MYOM2: variants seen among roughly 807,000 people sequenced by gnomAD.
MYOM2 encodes myomesin 2.
In MYOM2, 254 loss-of-function variants were observed where a neutral mutation model predicts 187.6. That is an observed-to-expected ratio of 1.35 (90% CI 1.22 to 1.50). The LOEUF (loss-of-function observed/expected upper bound fraction) is 1.50, where lower values mean the gene tolerates loss of function less well. Among genes scored for constraint, MYOM2 ranks in the 40% most tolerant of loss-of-function variants. The probability of loss-of-function intolerance (pLI) is 0.00; values close to 1 mark genes in which losing one functional copy is unlikely to be tolerated. For synonymous variants in MYOM2, 981 were observed against 753.8 expected, an observed-to-expected ratio of 1.30 and a Z score of -4.94; for missense variants, 2,796 against 1,924.0, an observed-to-expected ratio of 1.45 and a Z score of -8.48.
At chr8:2,109,845 A>T (rs1469529117) in intron 25 of MYOM2, among the ~76,000 whole-genome samples, 1 of 152,162 alleles carries the variant, frequency 6.6e-6, no homozygotes, top group Admixed American at 6.5e-5. Flanking sequence ...CAGTTCACTT[A>T]TTCTTGATAA....
rs369613732 is a variant in MYOM2 at position 2,102,752 on chromosome 8, C to A, written c.2705C>A (p.Ser902Ter). The A allele has an allele frequency of 1.9e-5, 30 of 1,613,784 alleles. No individual in the cohort carries two copies. The highest frequency in any genetic ancestry group is 5.5e-5 in the South Asian group (5 of 91,080). ...GGCGTGGGGAAGCCCTCAGACACGTCGGAGCCTGTGCTGGTAGAGGCGAGA... is the reference window on the plus strand; with the variant it reads ...GGCGTGGGGAAGCCCTCAGACACGTAGGAGCCTGTGCTGGTAGAGGCGAGA... Reference protein sequence around the residue: ...ANGVGKPSDTSEPVLVEARPG... With the variant: ...ANGVGKPSDT Residue 902 changes from serine (S) to a stop codon, truncating the protein, a stop_gained, in exon 21 of 37, where the codon TCG becomes TAG. Transcript: ENST00000262113. LOFTEE classifies it high-confidence loss of function.
At chr8:2,097,770 G>C (rs192251765) in intron 18 of MYOM2, among the ~76,000 whole-genome samples, 28 of 152,338 alleles carry the variant, frequency 1.8e-4, no homozygotes, top group Non-Finnish European at 3.8e-4. Flanking sequence ...GCCCGCCTCA[G>C]CCTCCCAAAG....
Position 2,109,488 on chromosome 8 carries a change from G to A in MYOM2, c.3137G>A (p.Ser1046Asn), listed in dbSNP as rs755065137. Residue 1046 changes from serine to asparagine, a missense_variant, in exon 25 of 37, where the codon AGC (serine) becomes AAC (asparagine). By Grantham distance (46) the Ser-to-Asn change is conservative (BLOSUM62 1). Coordinates refer to ENST00000262113, the MANE Select transcript of MYOM2 (RefSeq NM_003970.4). ...LQAEHLSPDA[S>N]YRFIINDREV... ...GCTGAGCACTTATCACCAGATGCCA[G>A]CTACCGATTTATTATTAACGACAGA... is the stretch of plus-strand genomic sequence containing the variant. 1 of 1,613,390 alleles carries A rather than the reference G, an allele frequency of 6.2e-7. No individual in the cohort carries two copies. The highest frequency in any genetic ancestry group is 8.5e-7 in the Non-Finnish European group (1 of 1,179,660).
At chr8:2,062,457 G>A (rs1181052845) in intron 6 of MYOM2, among the ~76,000 whole-genome samples, 3 of 152,136 alleles carry the variant, frequency 2.0e-5, no homozygotes, top group Non-Finnish European at 4.4e-5. Context: ...GAGCCAGCAG[G>A]ATTTGCTGCT....
At chr8:2,129,041 C>T (rs905405470) in intron 31 of MYOM2, 86 bp from the exon 32 acceptor site, 13 of 913,708 alleles carry the variant, frequency 1.4e-5, no homozygotes, top group East Asian at 2.5e-5. Context: ...CAGGTGGGGA[C>T]AGGAGGGCTT....
At chr8:2,062,226 T>G (rs554115130) in intron 6 of MYOM2, among the ~76,000 whole-genome samples, 108 of 152,174 alleles carry the variant, frequency 7.1e-4, no homozygotes, top group South Asian at 1.2e-3. Context: ...TGTAAGGACA[T>G]TGGCTTTGCT....
chr8:2,094,317 A>G (rs1014980554), intron 17 of MYOM2, among the ~76,000 whole-genome samples: 1 of 130,776 alleles, frequency 7.6e-6, no homozygotes, highest in Non-Finnish European at 1.6e-5. Context: ...GCAAATTAAA[A>G]ATAGAAAACA....
At chr8:2,123,900 C>G (rs140462205) in intron 30 of MYOM2, among the ~76,000 whole-genome samples, 33 of 152,308 alleles carry the variant, frequency 2.2e-4, no homozygotes, top group Middle Eastern at 3.4e-3. Flanking sequence ...CAACGCATTA[C>G]TAATGCAGTT....
intron 23 of MYOM2, among the ~76,000 whole-genome samples, chr8:2,107,771 C>A (rs1354078977): frequency 6.6e-6 from 1 of 152,162 alleles, no homozygotes; most frequent in East Asian, 1.9e-4. Flanking sequence ...GTTGGCCCTG[C>A]CTCCAGGGTC....
chr8:2,129,233 G>C lies in MYOM2; in HGVS notation c.3800+1G>C. The C allele has an allele frequency of 6.2e-7, 1 of 1,602,220 alleles. No homozygotes were observed. Among genetic ancestry groups the C allele is most frequent in the East Asian group, 2.2e-5 (1 of 44,706 alleles). On this transcript the variant is annotated splice_donor_variant, in intron 32 of 36. Coordinates refer to ENST00000262113, the MANE Select transcript of MYOM2 (RefSeq NM_003970.4). LOFTEE classifies it high-confidence loss of function. Reference sequence around the variant, plus strand: ...AAATGAAAGTGAACTGGTGTCACAAGTAAGTATGACAGCAGCCGATGGAGG... The same window carrying C: ...AAATGAAAGTGAACTGGTGTCACAACTAAGTATGACAGCAGCCGATGGAGG...
At chr8:2,064,491 T>C (rs1031467418) in intron 6 of MYOM2, among the ~76,000 whole-genome samples, 3 of 152,058 alleles carry the variant, frequency 2.0e-5, no homozygotes, top group African/African-American at 7.2e-5. Flanking sequence ...CGGGTTTCTT[T>C]ACAGAAGGAA....
intron 28 of MYOM2, among the ~76,000 whole-genome samples, chr8:2,119,900 CCAGGGCAGAGCAAGCGGCAGATCCAT>C (rs1345813344): frequency 6.6e-6 from 1 of 152,086 alleles, no homozygotes; most frequent in Non-Finnish European, 1.5e-5. Context: ...ATGCCAAAAA[CCAGGGCAGAGCAAGCGGCAGATCCAT>C]CAGTGCAGCC....
intron 32 of MYOM2, among the ~76,000 whole-genome samples, chr8:2,137,203 C>G (rs1292590479): frequency 6.6e-6 from 1 of 151,698 alleles, no homozygotes; most frequent in Non-Finnish European, 1.5e-5. Flanking sequence ...ATCAAGAAAA[C>G]ATTGTCTTCT....
intron 6 of MYOM2, among the ~76,000 whole-genome samples, chr8:2,063,198 G>A (rs117516281): frequency 0.011 from 1,644 of 152,316 alleles, 15 homozygotes; most frequent in Middle Eastern, 0.02. Context: ...ATTACAGCTT[G>A]TCTCAGCTGT....
At chr8:2,103,214 T>A (rs922566994) in intron 21 of MYOM2, among the ~76,000 whole-genome samples, 17 of 151,958 alleles carry the variant, frequency 1.1e-4, no homozygotes, top group African/African-American at 3.1e-4. Flanking sequence ...TGGGAGAGTG[T>A]GCATGTTTTA....
At chr8:2,135,627 T>C (rs1444536437) in intron 32 of MYOM2, among the ~76,000 whole-genome samples, 2 of 152,230 alleles carry the variant, frequency 1.3e-5, no homozygotes, top group African/African-American at 4.8e-5. Flanking sequence ...TCCTCCACTG[T>C]CTTATATTAA....
rs749013679 is a variant in MYOM2 at position 2,102,748 on chromosome 8, A to G, written c.2701A>G (p.Thr901Ala). ...NANGVGKPSD[T>A]SEPVLVEARP... ...AAATGGCGTGGGGAAGCCCTCAGAC[A>G]CGTCGGAGCCTGTGCTGGTAGAGGC... is the stretch of plus-strand genomic sequence containing the variant. Residue 901 changes from threonine to alanine, a missense_variant, in exon 21 of 37, where the codon ACG becomes GCG. By Grantham distance (58) the Thr-to-Ala change is moderately conservative. Transcript: ENST00000262113. 3 of 1,614,056 alleles carry G rather than the reference A, an allele frequency of 1.9e-6. No individual in the cohort carries two copies. Among genetic ancestry groups the G allele is most frequent in the Non-Finnish European group, 2.5e-6 (3 of 1,179,874 alleles).
intron 13 of MYOM2, 65 bp downstream of exon 13, chr8:2,079,678 G>A (rs1819556406): frequency 2.0e-6 from 3 of 1,537,390 alleles, no homozygotes; most frequent in Non-Finnish European, 2.7e-6. Flanking sequence ...ATTAGAGATG[G>A]GAGAGATGGA....
intron 8 of MYOM2, among the ~76,000 whole-genome samples, chr8:2,070,791 ATTAACCATTGTACATAACACAATG>A: frequency 6.6e-6 from 1 of 152,318 alleles, no homozygotes; most frequent in South Asian, 2.1e-4. Flanking sequence ...ATAACACGAC[ATTAACCATTGTACATAACACAATG>A]TTAACCATTG....
Sources: gnomAD v4.1 joint callset for allele counts (sites outside exome capture counted in the v4.1 genomes callset) on GRCh38, gnomAD v4.1.1 for gene constraint, MANE v1.5 for transcripts, NCBI Gene and HGNC (gene_info 2026-07-23, HGNC 2026-07-21) for gene names.